The following ANK3 variants were observed in gnomAD, a reference collection of about 807,000 sequenced individuals.
ANK3 encodes the protein ankyrin 3.
ANK3 carries 57 observed loss-of-function variants against 370.9 expected under a neutral mutation model. That is an observed-to-expected ratio of 0.15 (90% confidence interval 0.12 to 0.19). ANK3 has a LOEUF of 0.19. ANK3 is among the 10% of genes least tolerant of loss of function. The pLI, the probability that ANK3 is intolerant of heterozygous loss-of-function variation, is 1.00. For synonymous variants in ANK3, 1,929 were observed against 1,946.3 expected, an observed-to-expected ratio of 0.99 and a Z score of 0.23; for missense variants, 4,439 against 5,302.1, an observed-to-expected ratio of 0.84 and a Z score of 5.06.
chr10:60,380,490 A>G (rs2061414031), intron 1 of ANK3, among the ~76,000 whole-genome samples: 1 of 152,182 alleles, frequency 6.6e-6, no homozygotes, highest in African/African-American at 2.4e-5. Context: ...AACTTTGGGC[A>G]AGTTTTTGAA....
At chr10:60,654,761 G>T (rs750472808) in intron 1 of ANK3, among the ~76,000 whole-genome samples, 1 of 152,012 alleles carries the variant, frequency 6.6e-6, no homozygotes, top group Non-Finnish European at 1.5e-5. Context: ...TCCTTATAAT[G>T]TCTTTAAGTA....
chr10:60,586,620 T>C (rs1370652706), intron 2 of ANK3, among the ~76,000 whole-genome samples: 1 of 152,162 alleles, frequency 6.6e-6, no homozygotes, highest in Admixed American at 6.5e-5. Context: ...CCAACCAAGA[T>C]GTGTGCTCTG....
At chr10:60,473,237 A>C (rs1258888368) in intron 2 of ANK3, among the ~76,000 whole-genome samples, 1 of 152,210 alleles carries the variant, frequency 6.6e-6, no homozygotes, top group Non-Finnish European at 1.5e-5. Flanking sequence ...GAAATGCCTA[A>C]AAATATGTTA....
At chr10:60,566,272 C>T (rs1472497891) in intron 2 of ANK3, among the ~76,000 whole-genome samples, 1 of 152,084 alleles carries the variant, frequency 6.6e-6, no homozygotes. Context: ...CCCTGAGATA[C>T]AATAATATTG....
rs1368792532 is a variant in ANK3, at chr10:60,431,707, T to A, written c.97-152068A>T. Among the ~76,000 whole-genome samples, 4 of 151,874 alleles carry A rather than the reference T, an allele frequency of 2.6e-5. No individual in the cohort carries two copies. The South Asian group carries it at 8.3e-4, about 32-fold the overall frequency. On this transcript the variant is annotated intron_variant, in intron 2 of 43. Transcript: ENST00000373827. The stretch of plus-strand genomic sequence containing the variant: ...AGAAATACCTAATGTAGGTGACGGG[T>A]GGGAGGGTGCAGCAAACCACCATGG...
chr10:60,518,624 C>T (rs1238924896), intron 2 of ANK3, among the ~76,000 whole-genome samples: 3 of 152,080 alleles, frequency 2.0e-5, no homozygotes, highest in East Asian at 1.9e-4. Context: ...TACTAGACAC[C>T]GATGGTGATT....
At chr10:60,263,175 G>C (rs937700258) in intron 6 of ANK3, among the ~76,000 whole-genome samples, 5 of 152,160 alleles carry the variant, frequency 3.3e-5, no homozygotes, top group African/African-American at 1.2e-4. Context: ...TGGAAGCAAA[G>C]AGGAGGAAAA....
chr10:60,319,994 C>CT (rs1394921164), intron 1 of ANK3, among the ~76,000 whole-genome samples: 2 of 152,160 alleles, frequency 1.3e-5, no homozygotes, highest in African/African-American at 2.4e-5. Flanking sequence ...TTCTGTGTCC[C>CT]TTCTTCATAT....
rs150573755 is a variant in ANK3 at position 60,145,852 on chromosome 10, C to T, written c.2615-6765G>A. The T allele has an allele frequency of 1.2e-4, 74 of 637,708 alleles. No homozygotes were observed. The East Asian group carries it at 1.9e-3, about 17-fold the overall frequency. 39.5% of individuals were successfully genotyped at this position (637,708 alleles called of 1,614,324 possible). A position where few individuals can be genotyped will look rare whatever the true frequency, so the allele number is the denominator to read the frequency against. ...GTCTGTTTTGCTTCATATCATTGCC[C>T]AGAACAGAACCTGGCACATAGTAGG... On this transcript the variant is annotated intron_variant, in intron 23 of 43. Coordinates refer to ENST00000280772, the MANE Select transcript of ANK3 (RefSeq NM_020987.5).
At chr10:60,308,295 C>CTTTTTT (rs66593889) in intron 1 of ANK3, among the ~76,000 whole-genome samples, 6 of 84,100 alleles carry the variant, frequency 7.1e-5, no homozygotes, top group Non-Finnish European at 8.9e-5. Context: ...GGGAATCTGG[C>CTTTTTT]TTTTTTTTTT....
At chr10:60,690,449 G>T (rs10821824) in intron 1 of ANK3, among the ~76,000 whole-genome samples, 102,068 of 152,006 alleles carry the variant, frequency 0.67, 34,418 homozygotes, top group South Asian at 0.83. Context: ...GTTCTTATTT[G>T]TACTGTTACA....
At chr10:60,530,700 G>C (rs1006821525) in intron 2 of ANK3, among the ~76,000 whole-genome samples, 1 of 152,062 alleles carries the variant, frequency 6.6e-6, no homozygotes, top group South Asian at 2.1e-4. Context: ...CATTCATAAG[G>C]GAACGCACAC....
chr10:60,433,196 G>A (rs1428527031), intron 2 of ANK3, among the ~76,000 whole-genome samples: 2 of 152,158 alleles, frequency 1.3e-5, no homozygotes, highest in Non-Finnish European at 2.9e-5. Flanking sequence ...GGTGGTTCTT[G>A]CCTGTAATCC....
chr10:60,513,513 A>G (rs759886515), intron 2 of ANK3, among the ~76,000 whole-genome samples: 11 of 152,104 alleles, frequency 7.2e-5, no homozygotes, highest in South Asian at 4.1e-4. Flanking sequence ...AAGGGAGTTG[A>G]GTCTTAATAT....
At chr10:60,629,658 T>C (rs1284335060) in intron 1 of ANK3, among the ~76,000 whole-genome samples, 1 of 152,134 alleles carries the variant, frequency 6.6e-6, no homozygotes, top group Non-Finnish European at 1.5e-5. Context: ...ACAAATGTTA[T>C]GGATGCTTTT....
intron 1 of ANK3, among the ~76,000 whole-genome samples, chr10:60,727,461 T>G (rs1007444164): frequency 1.2e-4 from 18 of 152,198 alleles, no homozygotes; most frequent in Admixed American, 9.2e-4. Context: ...AGTAAACTTC[T>G]CAGTTTGGCA....
At chr10:60,050,169 T>A (rs976681944) in intron 42 of ANK3, among the ~76,000 whole-genome samples, 18 of 152,174 alleles carry the variant, frequency 1.2e-4, no homozygotes, top group African/African-American at 4.3e-4. Flanking sequence ...TGACTGATTA[T>A]GAGGATTTTA....
intron 1 of ANK3, among the ~76,000 whole-genome samples, chr10:60,290,762 T>C (rs1356639748): frequency 6.6e-6 from 1 of 152,138 alleles, no homozygotes; most frequent in Non-Finnish European, 1.5e-5. Context: ...ATTTCAAACC[T>C]GCTGGGGTGT....
Position 60,278,809 on chromosome 10 carries a change from C to T in ANK3, c.379G>A (p.Val127Ile). ...AGQAEVVKVL[V>I]TNGANVNAQS... The stretch of plus-strand genomic sequence containing the variant: ...GCATTGACATTGGCTCCATTTGTAA[C>T]CAAGACTTTTACCACCTCTGCTTGC... Residue 127 changes from valine (V) to isoleucine (I), a missense_variant, in exon 4 of 44, where the codon GTT becomes ATT. Val to Ile is a conservative substitution (Grantham distance 29). Around this residue, in one of 13 missense-constraint regions of ANK3, gnomAD observed 136 missense variants for 230.5 expected, o/e 0.59. Transcript: ENST00000280772. 6.2e-7 allele frequency: 1 copy of T among 1,613,934 alleles called. No individual in the cohort carries two copies. The highest frequency in any genetic ancestry group is 8.5e-7 in the Non-Finnish European group (1 of 1,179,928).
Sources: gnomAD v4.1 joint callset for allele counts (sites outside exome capture counted in the v4.1 genomes callset) on GRCh38, gnomAD v4.1.1 for gene constraint, gnomAD v4.1.1 regional missense constraint, MANE v1.5 for transcripts, NCBI Gene and HGNC (gene_info 2026-07-23, HGNC 2026-07-21) for gene names.